The following GABBR2 variants were observed in gnomAD, a reference collection of about 807,000 sequenced individuals.
GABBR2 encodes G-protein coupled receptor 51.
A neutral mutation model predicts 105.6 loss-of-function variants in GABBR2; 23 were observed. The ratio of observed to expected loss-of-function variants is 0.22; its 90% CI spans 0.16 to 0.31. GABBR2 has a LOEUF of 0.31. GABBR2 is among the 10% of genes least tolerant of loss of function. The pLI is 1.00. For missense variants in GABBR2, 734 were observed against 1,245.5 expected, an observed-to-expected ratio of 0.59 and a Z score of 6.18; for synonymous variants, 478 against 499.7, an observed-to-expected ratio of 0.96 and a Z score of 0.58.
In GABBR2 at chr9:98,501,131, C is replaced by CG. The variant is rs1370015859; in HGVS notation, c.631-4618_631-4617insC. Among the ~76,000 whole-genome samples the CG allele has an allele frequency of 9.7e-5, 14 of 144,960 alleles. 1 individual carries two copies. In the East Asian group the frequency reaches 1.8e-3, roughly 19 times the overall value. ...ATTAAGACTAGGAACCACTGCCCCC[C>CG]CCCCTTCCCCGCCCCCTGCTCCTTT... On this transcript the variant is annotated intron_variant, in intron 3 of 18. Coordinates refer to ENST00000259455, the MANE Select transcript of GABBR2 (RefSeq NM_005458.8).
intron 1 of GABBR2, among the ~76,000 whole-genome samples, chr9:98,702,517 C>G (rs950573843): frequency 6.6e-6 from 1 of 152,206 alleles, no homozygotes; most frequent in Non-Finnish European, 1.5e-5. Context: ...TCAAAGACAT[C>G]GCACGGCTCC....
intron 13 of GABBR2, among the ~76,000 whole-genome samples, chr9:98,355,262 G>A (rs1831465015): frequency 6.6e-6 from 1 of 151,964 alleles, no homozygotes; most frequent in Non-Finnish European, 1.5e-5. Context: ...TAAAAAGATT[G>A]AAATGTTATG....
intron 3 of GABBR2, among the ~76,000 whole-genome samples, chr9:98,532,430 G>T (rs894007992): frequency 6.6e-6 from 1 of 152,230 alleles, no homozygotes; most frequent in Non-Finnish European, 1.5e-5. Flanking sequence ...AGTACCATTA[G>T]GATTAGAATC....
At chr9:98,636,175 G>T (rs750167840) in intron 1 of GABBR2, among the ~76,000 whole-genome samples, 1 of 152,170 alleles carries the variant, frequency 6.6e-6, no homozygotes, top group Non-Finnish European at 1.5e-5. Context: ...TGAAAAAAAT[G>T]CACTGGGGAA....
intron 1 of GABBR2, among the ~76,000 whole-genome samples, chr9:98,644,021 G>A (rs1021005572): frequency 2.6e-5 from 4 of 152,196 alleles, no homozygotes; most frequent in African/African-American, 4.8e-5. Context: ...AAATTAGCTA[G>A]AACTGAGTTT....
chr9:98,639,367 C>A (rs1266125801), intron 1 of GABBR2, among the ~76,000 whole-genome samples: 1 of 152,180 alleles, frequency 6.6e-6, no homozygotes, highest in Non-Finnish European at 1.5e-5. Flanking sequence ...CACCACCTTG[C>A]ATGTTTGGGT....
intron 1 of GABBR2, among the ~76,000 whole-genome samples, chr9:98,638,027 T>C (rs1309038208): frequency 2.0e-5 from 3 of 152,188 alleles, no homozygotes; most frequent in Non-Finnish European, 4.4e-5. Flanking sequence ...AACTGAGGCA[T>C]GGATAAACTA....
At chr9:98,367,143 G>A (rs1831691395) in intron 12 of GABBR2, among the ~76,000 whole-genome samples, 2 of 150,956 alleles carry the variant, frequency 1.3e-5, no homozygotes. Flanking sequence ...GGCATATGGG[G>A]TGAAGTTTGT....
At chr9:98,621,141 C>T (rs2131821531) in intron 1 of GABBR2, among the ~76,000 whole-genome samples, 1 of 152,298 alleles carries the variant, frequency 6.6e-6, no homozygotes, top group Middle Eastern at 3.4e-3. Context: ...CCATTATCTC[C>T]TGTTGAAGGC....
intron 13 of GABBR2, among the ~76,000 whole-genome samples, chr9:98,341,616 T>C (rs181184031): frequency 9.8e-4 from 149 of 152,292 alleles, no homozygotes; most frequent in African/African-American, 3.2e-3. Context: ...GAGTGGCTTA[T>C]CCAGTTACGA....
rs569913174 is a variant in GABBR2 at position 98,652,677 on chromosome 9, C to G, written c.321+55740G>C. On this transcript the variant is annotated intron_variant, in intron 1 of 18. Transcript: ENST00000259455. Reference sequence around the variant, plus strand: ...CTCAAGTAGGCTAAAGCCTTTCCCCCCAGTGGAGCGTCACTCTCACTGTCA... The same window carrying G: ...CTCAAGTAGGCTAAAGCCTTTCCCCGCAGTGGAGCGTCACTCTCACTGTCA... 3.3e-5 allele frequency among the ~76,000 whole-genome samples: 5 copies of G among 152,356 alleles called. No homozygotes were observed. In the South Asian group the frequency reaches 1.0e-3, roughly 32 times the overall value.
chr9:98,677,288 C>T (rs1235464385), intron 1 of GABBR2, among the ~76,000 whole-genome samples: 2 of 152,188 alleles, frequency 1.3e-5, no homozygotes, highest in Admixed American at 6.5e-5. Flanking sequence ...TGCACACTGG[C>T]CAGCCCCCAG....
At chr9:98,338,734 C>G (rs769570328) in intron 13 of GABBR2, among the ~76,000 whole-genome samples, 38 of 152,158 alleles carry the variant, frequency 2.5e-4, no homozygotes, top group Admixed American at 3.3e-4. Flanking sequence ...AAAATGTTAA[C>G]ATGAGTTAAC....
intron 1 of GABBR2, among the ~76,000 whole-genome samples, chr9:98,685,857 G>A (rs1359124190): frequency 6.6e-6 from 1 of 151,910 alleles, no homozygotes; most frequent in Non-Finnish European, 1.5e-5. Context: ...ATCATCCCCA[G>A]CTAATTTTTT....
intron 7 of GABBR2, among the ~76,000 whole-genome samples, chr9:98,445,346 G>A (rs1407678373): frequency 2.6e-5 from 4 of 152,294 alleles, no homozygotes; most frequent in Non-Finnish European, 4.4e-5. Flanking sequence ...CCCTCCAATC[G>A]GGTGTGGGGG....
intron 2 of GABBR2, among the ~76,000 whole-genome samples, chr9:98,574,466 T>C (rs966546562): frequency 2.0e-5 from 3 of 152,188 alleles, no homozygotes. Context: ...CCTTCGGCCC[T>C]AATCAAGCCT....
In GABBR2 at chr9:98,371,690, T is replaced by C. The variant is rs931653201; in HGVS notation, c.1663-119A>G. 26 of 633,688 alleles carry C rather than the reference T, an allele frequency of 4.1e-5. No individual in the cohort carries two copies. In the African/African-American group the frequency reaches 4.4e-4, roughly 11 times the overall value. The allele number at this position is 633,688 out of a possible 1,614,324, so 39.3% of individuals were successfully genotyped here. On this transcript the variant is annotated intron_variant, in intron 11 of 18. Coordinates refer to ENST00000259455, the MANE Select transcript of GABBR2 (RefSeq NM_005458.8). The stretch of plus-strand genomic sequence containing the variant: ...GGGGACAAATACTCCCCTCTGCATA[T>C]AGTTGAGTTTCATTGGCATCTTTCA...
chr9:98,552,855 C>T (rs1828515132), intron 2 of GABBR2, among the ~76,000 whole-genome samples: 1 of 152,042 alleles, frequency 6.6e-6, no homozygotes. Flanking sequence ...TTTACCACCC[C>T]CTGCTGTGGC....
chr9:98,468,027 A>C, intron 6 of GABBR2, among the ~76,000 whole-genome samples: 1 of 152,244 alleles, frequency 6.6e-6, no homozygotes, highest in East Asian at 1.9e-4. Flanking sequence ...GGGGAGCCTC[A>C]GTGGAGAGAA....
Sources: gnomAD v4.1 joint callset for allele counts (sites outside exome capture counted in the v4.1 genomes callset) on GRCh38, gnomAD v4.1.1 for gene constraint, MANE v1.5 for transcripts, NCBI Gene and HGNC (gene_info 2026-07-23, HGNC 2026-07-21) for gene names.